The following DCT variants were observed in gnomAD, a reference collection of about 807,000 sequenced individuals.
DCT encodes the protein L-dopachrome tautomerase.
A neutral mutation model predicts 53.0 loss-of-function variants in DCT; 47 were observed. That is an observed-to-expected ratio of 0.89 (90% CI 0.70 to 1.13). The LOEUF is 1.13. Ranked by LOEUF, DCT falls within the 50% of genes most tolerant of loss-of-function variation. DCT has a pLI of 0.00. For missense variants in DCT, 669 were observed against 637.4 expected (o/e 1.05, Z -0.53); for synonymous variants, 244 against 237.0 (o/e 1.03, Z -0.27).
chr13:94,460,915 T>C (rs1198888325), intron 5 of DCT, among the ~76,000 whole-genome samples: 2 of 152,176 alleles, frequency 1.3e-5, no homozygotes, highest in Admixed American at 1.3e-4. Context: ...ATTCTCTCTC[T>C]CTCTTAACTG....
the DCT span, among the ~76,000 whole-genome samples, chr13:94,495,551 AG>A: frequency 6.6e-6 from 1 of 152,252 alleles, no homozygotes; most frequent in African/African-American, 2.4e-5. Flanking sequence ...GTATCATCAA[AG>A]TTTAAATTTT....
intron 6 of DCT, among the ~76,000 whole-genome samples, chr13:94,455,474 T>C (rs1158011376): frequency 6.6e-6 from 1 of 151,580 alleles, no homozygotes; most frequent in Non-Finnish European, 1.5e-5. Flanking sequence ...ACACCACAGG[T>C]TGATAAATTA....
chr13:94,516,753 T>C, the DCT span, among the ~76,000 whole-genome samples: 2 of 152,114 alleles, frequency 1.3e-5, no homozygotes, highest in South Asian at 2.1e-4. Context: ...CTGTGCCACC[T>C]TGGGCCTCTG....
chr13:94,493,682 G>A, the DCT span, among the ~76,000 whole-genome samples: 3 of 152,170 alleles, frequency 2.0e-5, no homozygotes, highest in African/African-American at 7.2e-5. Flanking sequence ...ACAATATCCT[G>A]GGAACATCAA....
At chr13:94,484,643 G>A (rs377154926), upstream of DCT, among the ~76,000 whole-genome samples, 19 of 152,320 alleles carry the variant, frequency 1.2e-4, no homozygotes, top group African/African-American at 4.1e-4. Flanking sequence ...GGCTTGCAGA[G>A]AGCTTCCCTA....
At chr13:94,523,622 C>G in the DCT span, among the ~76,000 whole-genome samples, 1 of 152,200 alleles carries the variant, frequency 6.6e-6, no homozygotes, top group African/African-American at 2.4e-5. Context: ...CACTGTGGAA[C>G]AGTGTTCCGT....
At chr13:94,496,944 TCA>T in the DCT span, among the ~76,000 whole-genome samples, 1 of 152,124 alleles carries the variant, frequency 6.6e-6, no homozygotes, top group Admixed American at 6.5e-5. Context: ...CCTTCAAGAC[TCA>T]CAGGGAACAC....
chr13:94,512,943 G>A, the DCT span, among the ~76,000 whole-genome samples: 21 of 152,204 alleles, frequency 1.4e-4, no homozygotes, highest in Non-Finnish European at 2.9e-4. Flanking sequence ...AGCTGTGGGA[G>A]GCTGAATATA....
intron 1 of DCT, among the ~76,000 whole-genome samples, chr13:94,472,515 T>C (rs1487480321): frequency 4.0e-5 from 2 of 50,616 alleles, no homozygotes; most frequent in Non-Finnish European, 7.4e-5. Context: ...AATATATACA[T>C]ACATACATAT....
chr13:94,511,747 T>C, the DCT span, among the ~76,000 whole-genome samples: 1 of 152,036 alleles, frequency 6.6e-6, no homozygotes, highest in African/African-American at 2.4e-5. Flanking sequence ...GGAGAAACTC[T>C]TTCTCACCCC....
At chr13:94,488,607 A>G in the DCT span, among the ~76,000 whole-genome samples, 2 of 151,864 alleles carry the variant, frequency 1.3e-5, no homozygotes, top group African/African-American at 2.4e-5. Flanking sequence ...TCAGCTACTC[A>G]GGGAAGCTGA....
intron 6 of DCT, among the ~76,000 whole-genome samples, chr13:94,455,421 A>G (rs1883350964): frequency 8.6e-6 from 1 of 116,878 alleles, no homozygotes; most frequent in Admixed American, 8.1e-5. Context: ...GATTCCTACT[A>G]TCCTTACTAC....
At position 94,465,751 on chromosome 13, in the gene DCT, T is replaced by G; in HGVS notation, c.745A>C (p.Thr249Pro). 6.2e-7 allele frequency: 1 copy of G among 1,612,684 alleles called. No homozygotes were observed. The highest frequency in any genetic ancestry group is 8.5e-7 in the Non-Finnish European group (1 of 1,179,434). Residue 249 changes from threonine (T) to proline (P), a missense_variant, in exon 4 of 8, where the codon ACT becomes CCT. Thr to Pro is a conservative substitution (Grantham distance 38). Transcript: ENST00000377028. Reference protein sequence around the residue: ...SFALPYWNFATGRNECDVCTD... With the variant: ...SFALPYWNFAPGRNECDVCTD... ...CACACATCACACTCGTTCCTCCCAG[T>G]GGCAAAGTTCCAGTAGGGCAAAGCA...
At chr13:94,502,190 T>C in the DCT span, among the ~76,000 whole-genome samples, 18 of 41,628 alleles carry the variant, frequency 4.3e-4, no homozygotes, top group South Asian at 2.8e-3. Context: ...CCCCAGCCCC[T>C]ACTTCTGAGG....
At chr13:94,480,860 C>T (rs943436215), upstream of DCT, among the ~76,000 whole-genome samples, 2 of 152,234 alleles carry the variant, frequency 1.3e-5, no homozygotes, top group African/African-American at 2.4e-5. Flanking sequence ...AGACCATGTG[C>T]AATAGTTTCC....
the DCT span, among the ~76,000 whole-genome samples, chr13:94,515,139 C>A: frequency 1.3e-5 from 2 of 152,152 alleles, no homozygotes; most frequent in Non-Finnish European, 2.9e-5. Context: ...CAGAACCCAA[C>A]GATGTTGGTG....
chr13:94,517,322 A>C, the DCT span, among the ~76,000 whole-genome samples: 6 of 152,128 alleles, frequency 3.9e-5, no homozygotes, highest in Admixed American at 6.5e-5. Flanking sequence ...CACTCACCCA[A>C]TATCCTGGAC....
chr13:94,452,781 C>T (rs1883180625), intron 6 of DCT: 2 of 508,000 alleles, frequency 3.9e-6, no homozygotes, highest in Non-Finnish European at 6.8e-6. Context: ...ATAAGAATGC[C>T]CTTCAGAACT....
Position 94,479,033 on chromosome 13 carries a change from A to C in DCT, c.223T>G (p.Tyr75Asp), listed in dbSNP as rs201343879. 1.7e-5 allele frequency: 27 copies of C among 1,614,200 alleles called. No individual in the cohort carries two copies. The East Asian group carries it at 6.0e-4, about 36-fold the overall frequency. ...RADTRPWSGP[Y>D]ILRNQDDREL... The stretch of plus-strand genomic sequence containing the variant: ...CGGTCATCCTGGTTTCGTAGGATGT[A>C]GGGACCACTCCAGGGCCTTGTGTCG... Residue 75 changes from tyrosine (Y) to aspartate (D), a missense_variant, in exon 1 of 8, where the codon TAC becomes GAC. Transcript: ENST00000377028.
Sources: allele counts gnomAD v4.1 joint callset (sites outside exome capture counted in the v4.1 genomes callset), GRCh38; gene constraint gnomAD v4.1.1; transcripts MANE v1.5; gene names NCBI Gene and HGNC (gene_info 2026-07-23, HGNC 2026-07-21).